ANKFN1: variants seen among roughly 807,000 people sequenced by gnomAD.
The protein encoded by ANKFN1 is ankyrin repeat and fibronectin type III domain containing 1.
Under a neutral mutation model 108.7 loss-of-function variants are expected in ANKFN1, and 74 were observed. The observed-to-expected ratio is 0.68, with a 90% confidence interval of 0.56 to 0.83. The LOEUF is 0.83. Among genes scored for constraint, ANKFN1 ranks in the 40% least tolerant of loss-of-function variants. The pLI is 0.00. For missense variants in ANKFN1, 1,505 were observed against 1,382.3 expected, an observed-to-expected ratio of 1.09 and a Z score of -1.41; for synonymous variants, 547 against 516.2, an observed-to-expected ratio of 1.06 and a Z score of -0.81.
chr17:56,345,242 G>C (rs140501033), intron 4 of ANKFN1, among the ~76,000 whole-genome samples: 1 of 152,098 alleles, frequency 6.6e-6, no homozygotes, highest in Admixed American at 6.5e-5. Context: ...TTATGGCTGC[G>C]TAGTATTCCA....
At chr17:56,273,934 C>G (rs1407884813) in intron 3 of ANKFN1, among the ~76,000 whole-genome samples, 1 of 152,180 alleles carries the variant, frequency 6.6e-6, no homozygotes, top group Non-Finnish European at 1.5e-5. Context: ...CTGTCTCTCC[C>G]TCTATTTCTT....
At position 56,374,582 on chromosome 17, in the gene ANKFN1, G is replaced by GT; in HGVS notation, c.797-14dup. ...GGATTTGCTATGTTAAGATCCTTGT[G>GT]TTTTTCCTTCTGTCCCAGGAGCCCC... On this transcript the variant is annotated intron_variant, in intron 7 of 20. Coordinates refer to ENST00000682825, the MANE Select transcript of ANKFN1 (RefSeq NM_001370326.1). The GT allele has an allele frequency of 6.3e-7, 1 of 1,577,062 alleles. No individual in the cohort carries two copies. The highest frequency in any genetic ancestry group is 1.1e-5 in the South Asian group (1 of 90,088).
intron 4 of ANKFN1, among the ~76,000 whole-genome samples, chr17:56,061,229 G>A (rs956869558): frequency 1.5e-5 from 2 of 131,498 alleles, no homozygotes; most frequent in Non-Finnish European, 3.3e-5. Flanking sequence ...ATAGAGGTAT[G>A]TATAGCATTC....
chr17:56,433,846 G>GT (rs2048842912), intron 8 of ANKFN1, among the ~76,000 whole-genome samples: 1 of 150,058 alleles, frequency 6.7e-6, no homozygotes, highest in African/African-American at 2.5e-5. Context: ...AAAAAAAACT[G>GT]TAACAGTCAC....
chr17:56,263,154 C>T (rs2043563834), intron 3 of ANKFN1, among the ~76,000 whole-genome samples: 1 of 152,216 alleles, frequency 6.6e-6, no homozygotes, highest in Non-Finnish European at 1.5e-5. Flanking sequence ...CCATTGCTGA[C>T]ATAAGATCGA....
chr17:56,256,453 A>T (rs1269981530), intron 3 of ANKFN1, among the ~76,000 whole-genome samples: 1 of 152,114 alleles, frequency 6.6e-6, no homozygotes, highest in African/African-American at 2.4e-5. Context: ...GTGGAGAATT[A>T]TTTGGGGTTG....
At chr17:56,497,486 C>A (rs919948897) in intron 19 of ANKFN1, among the ~76,000 whole-genome samples, 1 of 152,116 alleles carries the variant, frequency 6.6e-6, no homozygotes, top group South Asian at 2.1e-4. Context: ...CTCAACTTGG[C>A]GGACTGAATG....
intron 4 of ANKFN1, among the ~76,000 whole-genome samples, chr17:56,334,100 A>T (rs772954323): frequency 6.6e-6 from 1 of 152,192 alleles, no homozygotes; most frequent in Non-Finnish European, 1.5e-5. Context: ...GAATAGTGGC[A>T]TATCCATACA....
chr17:56,142,451 T>C (rs1280911010), intron 4 of ANKFN1, among the ~76,000 whole-genome samples: 1 of 152,142 alleles, frequency 6.6e-6, no homozygotes, highest in Non-Finnish European at 1.5e-5. Context: ...TTGCAACACA[T>C]AACATTTGTA....
At position 56,480,734 on chromosome 17, in the gene ANKFN1, T is replaced by C; in HGVS notation, c.2007T>C (p.Ser669=). The change falls in exon 17 of 21, where the codon TCT becomes TCC. Residue 669 remains serine, a synonymous_variant. Coordinates refer to ENST00000682825, the MANE Select transcript of ANKFN1 (RefSeq NM_001370326.1). Reference sequence around the variant, plus strand: ...CTATGGAAAGTGTGGATCATACTTCTGACTGCCCCATGCAATTGTTCTTCT... The same window carrying C: ...CTATGGAAAGTGTGGATCATACTTCCGACTGCCCCATGCAATTGTTCTTCT... ...SESMESVDHT[S]DCPMQLFFYE... The C allele has an allele frequency of 6.2e-7, 1 of 1,614,092 alleles. No homozygotes were observed. The highest frequency in any genetic ancestry group is 8.5e-7 in the Non-Finnish European group (1 of 1,179,964).
At chr17:56,055,596 T>TATATATATATATATATATATAC (rs768200056) in intron 4 of ANKFN1, among the ~76,000 whole-genome samples, 3 of 130,646 alleles carry the variant, frequency 2.3e-5, no homozygotes, top group Admixed American at 7.6e-5. Context: ...TATGTATATA[T>TATATATATATATATATATATAC]ACACATTTTT....
At chr17:56,184,384 T>A (rs1911988972) in intron 1 of ANKFN1, among the ~76,000 whole-genome samples, 2 of 152,314 alleles carry the variant, frequency 1.3e-5, no homozygotes, top group South Asian at 4.1e-4. Flanking sequence ...TTTTAAACAA[T>A]ATTTTAAATT....
At chr17:56,335,363 C>G (rs1391052919) in intron 4 of ANKFN1, among the ~76,000 whole-genome samples, 1 of 152,102 alleles carries the variant, frequency 6.6e-6, no homozygotes, top group Non-Finnish European at 1.5e-5. Context: ...ATGGACTCTT[C>G]TTCCATTTGT....
intron 3 of ANKFN1, among the ~76,000 whole-genome samples, chr17:56,267,048 A>G (rs9909695): frequency 1.3e-5 from 2 of 152,000 alleles, no homozygotes; most frequent in Non-Finnish European, 2.9e-5. Context: ...CTCAATAGGT[A>G]GTTTTTCCGT....
intron 3 of ANKFN1, among the ~76,000 whole-genome samples, chr17:56,316,459 A>G (rs2045211275): frequency 6.6e-6 from 1 of 152,118 alleles, no homozygotes; most frequent in African/African-American, 2.4e-5. Flanking sequence ...AGTATCATCT[A>G]AGGAACACTT....
upstream of ANKFN1, chr17:56,153,436 T>G (rs1016851862): frequency 2.5e-6 from 4 of 1,576,472 alleles, no homozygotes; most frequent in African/African-American, 5.4e-5. Context: ...CGGGACCGTG[T>G]GGACATTCGC....
chr17:56,233,952 A>G (rs1220879366), intron 3 of ANKFN1, among the ~76,000 whole-genome samples: 1 of 152,146 alleles, frequency 6.6e-6, no homozygotes, highest in Non-Finnish European at 1.5e-5. Context: ...TTAACTGGAT[A>G]AGAGTTTTGA....
At chr17:56,454,193 C>A (rs1031066737) in intron 11 of ANKFN1, among the ~76,000 whole-genome samples, 1 of 151,998 alleles carries the variant, frequency 6.6e-6, no homozygotes, top group African/African-American at 2.4e-5. Flanking sequence ...TCCTTACATC[C>A]TTTTGCCTTA....
At chr17:56,384,759 C>T (rs1214846610) in intron 8 of ANKFN1, among the ~76,000 whole-genome samples, 1 of 151,988 alleles carries the variant, frequency 6.6e-6, no homozygotes, top group African/African-American at 2.4e-5. Flanking sequence ...ATCCAACTTA[C>T]AAGGGACGTG....
Sources: gnomAD v4.1 joint callset for allele counts (sites outside exome capture counted in the v4.1 genomes callset) on GRCh38, gnomAD v4.1.1 for gene constraint, MANE v1.5 for transcripts, NCBI Gene and HGNC (gene_info 2026-07-23, HGNC 2026-07-21) for gene names.